Variants in AIG1 observed in about 807,000 individuals in gnomAD.
AIG1 encodes androgen induced 1.
In AIG1, 23 loss-of-function variants were observed where a neutral mutation model predicts 31.4. The ratio of observed to expected loss-of-function variants is 0.73; its 90% CI spans 0.53 to 1.04. AIG1 has a LOEUF of 1.04. Among genes scored for constraint, AIG1 ranks in the 50% least tolerant of loss-of-function variants. The pLI is 0.00. For synonymous variants in AIG1, 100 were observed against 110.5 expected, an observed-to-expected ratio of 0.90 and a Z score of 0.60; for missense variants, 274 against 295.0, an observed-to-expected ratio of 0.93 and a Z score of 0.52.
rs74726505 is a variant in AIG1, at chr6:143,071,756, T to A, written c.141+10690T>A. On this transcript the variant is annotated intron_variant, in intron 1 of 5. Coordinates refer to ENST00000357847, the MANE Select transcript of AIG1 (RefSeq NM_016108.4). ...TTCTCCTCCCCCTCTTCCTCCTTCT[T>A]CTCTTCTTTTTTTTTCTTTTCTTGT... Among the ~76,000 whole-genome samples the A allele has an allele frequency of 7.1e-3, 1,071 of 151,562 alleles. 5 individuals carry two copies. The highest frequency in any genetic ancestry group is 0.011 in the Non-Finnish European group (767 of 67,850).
intron 2 of AIG1, among the ~76,000 whole-genome samples, chr6:143,144,703 T>C (rs1315302761): frequency 1.3e-5 from 2 of 152,248 alleles, no homozygotes; most frequent in Non-Finnish European, 2.9e-5. Flanking sequence ...ATGATCTATA[T>C]GAATTAGCCT....
intron 3 of AIG1, among the ~76,000 whole-genome samples, chr6:143,266,069 G>A (rs1489628203): frequency 1.3e-5 from 2 of 152,222 alleles, no homozygotes; most frequent in African/African-American, 4.8e-5. Flanking sequence ...TGGCCCATAA[G>A]CTGGGCGCCA....
At chr6:143,342,558 T>C, downstream of AIG1, 2 of 885,550 alleles carry the variant, frequency 2.3e-6, no homozygotes. Context: ...TTTATTTTTT[T>C]ACTGTTGGGT....
At chr6:143,287,439 G>A (rs1797761897) in intron 4 of AIG1, among the ~76,000 whole-genome samples, 1 of 152,170 alleles carries the variant, frequency 6.6e-6, no homozygotes, top group African/African-American at 2.4e-5. Flanking sequence ...ACTCTTGCCA[G>A]AACTACGGTG....
At chr6:143,101,583 G>A (rs560190807) in intron 1 of AIG1, among the ~76,000 whole-genome samples, 1 of 152,178 alleles carries the variant, frequency 6.6e-6, no homozygotes, top group African/African-American at 2.4e-5. Context: ...CTGGGAAGAC[G>A]GAATCCAGAG....
rs1350662399 is a variant in AIG1 at position 143,311,154 on chromosome 6, C to T, written c.516-22128C>T. ...GAGAAATACATTACAAGAAAGAAAA[C>T]TTACAGACACGTATCTCTCATGAAC... is the stretch of plus-strand genomic sequence containing the variant. On this transcript the variant is annotated intron_variant, in intron 4 of 5. Transcript: ENST00000357847. Among the ~76,000 whole-genome samples the T allele has an allele frequency of 4.6e-5, 7 of 151,822 alleles. 1 individual carries two copies. The highest frequency in any genetic ancestry group is 1.5e-5 in the Non-Finnish European group (1 of 67,790).
At position 143,229,267 on chromosome 6, in the gene AIG1, G is replaced by A. The variant is rs752882827; in HGVS notation, c.400-54843G>A. 3.9e-5 allele frequency among the ~76,000 whole-genome samples: 6 copies of A among 152,308 alleles called. No homozygotes were observed. The East Asian group carries it at 1.2e-3, about 29-fold the overall frequency. Reference sequence around the variant, plus strand: ...TTTGGAGACTTAAGTTGTAATTCTGGCTTTGACACTACCTTAGTGTGTAAT... The same window carrying A: ...TTTGGAGACTTAAGTTGTAATTCTGACTTTGACACTACCTTAGTGTGTAAT... On this transcript the variant is annotated intron_variant, in intron 3 of 5. Transcript: ENST00000357847.
At chr6:143,086,327 AC>A (rs1227291354) in intron 1 of AIG1, among the ~76,000 whole-genome samples, 1 of 152,094 alleles carries the variant, frequency 6.6e-6, no homozygotes, top group East Asian at 1.9e-4. Context: ...AATAGGGCAC[AC>A]TTTTTTTCTT....
Position 143,280,349 on chromosome 6 carries a change from G to T in AIG1, c.400-3761G>T, listed in dbSNP as rs1797258821. Among the ~76,000 whole-genome samples, 1 of 152,164 alleles carries T rather than the reference G, an allele frequency of 6.6e-6. No homozygotes were observed. Among genetic ancestry groups the T allele is most frequent in the Non-Finnish European group, 1.5e-5 (1 of 68,030 alleles). ...AGAGCTAAAAGTAGAACTACCATTA[G>T]ACCCAGCAATCCCATCACTGGGTAC... On this transcript the variant is annotated intron_variant, in intron 3 of 5. Transcript: ENST00000357847. This position sits in a 1 kb window ranked among gnomAD's most constrained non-coding sequence, Gnocchi z 4.1.
chr6:143,214,625 AT>A (rs1256956064), intron 3 of AIG1, among the ~76,000 whole-genome samples: 3 of 152,136 alleles, frequency 2.0e-5, no homozygotes, highest in Non-Finnish European at 4.4e-5. Flanking sequence ...TTTGATCCTT[AT>A]GAAACACAGA....
chr6:143,247,748 G>A (rs934058020), intron 3 of AIG1, among the ~76,000 whole-genome samples: 1 of 152,186 alleles, frequency 6.6e-6, no homozygotes, highest in African/African-American at 2.4e-5. Context: ...GAGAGAGCCA[G>A]GATTCTAAAC....
chr6:143,343,347 A>T (rs1777892244), downstream of AIG1: 1 of 592,592 alleles, frequency 1.7e-6, no homozygotes, highest in Admixed American at 1.9e-5. Flanking sequence ...TGAAATGAGG[A>T]CTAATGCCCC....
chr6:143,290,789 C>T (rs1012112443), intron 4 of AIG1, among the ~76,000 whole-genome samples: 9 of 152,170 alleles, frequency 5.9e-5, no homozygotes, highest in Middle Eastern at 3.2e-3. Flanking sequence ...TGCCCTTTCA[C>T]GTCTGACTAG....
rs1777300650 is a variant in AIG1, at chr6:143,334,169, A to G, written c.679+724A>G. 6.3e-6 allele frequency: 9 copies of G among 1,439,794 alleles called. No individual in the cohort carries two copies. The highest frequency in any genetic ancestry group is 8.5e-6 in the Non-Finnish European group (9 of 1,054,852). 89.2% of individuals were successfully genotyped at this position (1,439,794 alleles called of 1,614,324 possible). A position where few individuals can be genotyped will look rare whatever the true frequency, so the allele number is the denominator to read the frequency against. ...CAATAACATAAAAATTGAAAGGTGGAAAAAGCGCCAGCACAGACATGTAGT... is the reference window on the plus strand; with the variant it reads ...CAATAACATAAAAATTGAAAGGTGGGAAAAGCGCCAGCACAGACATGTAGT... On this transcript the variant is annotated intron_variant, in intron 5 of 5. Transcript: ENST00000357847. This position sits in a 1 kb window ranked among gnomAD's most constrained non-coding sequence, Gnocchi z 5.1.
intron 2 of AIG1, among the ~76,000 whole-genome samples, chr6:143,164,349 C>G (rs1004946724): frequency 2.6e-5 from 4 of 152,080 alleles, no homozygotes; most frequent in African/African-American, 7.2e-5. Context: ...CTTCTTTTCT[C>G]ACTATTATTT....
chr6:143,118,792 G>C (rs1216945300), intron 1 of AIG1, among the ~76,000 whole-genome samples: 1 of 151,994 alleles, frequency 6.6e-6, no homozygotes, highest in Non-Finnish European at 1.5e-5. Context: ...AGAGGGGCTT[G>C]AGTGACCTAA....
At chr6:143,173,815 A>G (rs1229812743) in intron 3 of AIG1, among the ~76,000 whole-genome samples, 4 of 152,216 alleles carry the variant, frequency 2.6e-5, no homozygotes, top group African/African-American at 9.6e-5. Flanking sequence ...CACATGGTCT[A>G]TCTTGGAGAA....
chr6:143,070,955 T>C (rs1777190281), intron 1 of AIG1, among the ~76,000 whole-genome samples: 1 of 152,184 alleles, frequency 6.6e-6, no homozygotes, highest in African/African-American at 2.4e-5. Flanking sequence ...TCACCCACTT[T>C]CTCCCAGTGG....
chr6:143,313,074 G>A (rs1291465226), intron 4 of AIG1, among the ~76,000 whole-genome samples: 2 of 152,066 alleles, frequency 1.3e-5, no homozygotes, highest in African/African-American at 4.8e-5. Flanking sequence ...GGGAGGATGT[G>A]GAGAAAAGGG....
Sources: gnomAD v4.1 joint callset for allele counts (sites outside exome capture counted in the v4.1 genomes callset) on GRCh38, gnomAD v4.1.1 for gene constraint, Gnocchi (gnomAD v3.1) non-coding constraint, MANE v1.5 for transcripts, NCBI Gene and HGNC (gene_info 2026-07-23, HGNC 2026-07-21) for gene names.